ZNF407: variants seen among roughly 807,000 people sequenced by gnomAD.
ZNF407 encodes the protein zinc finger protein 407.
A neutral mutation model predicts 131.2 loss-of-function variants in ZNF407; 17 were observed. That is an observed-to-expected ratio of 0.13 (90% CI 0.09 to 0.19). The LOEUF (loss-of-function observed/expected upper bound fraction) is 0.19. Among genes scored for constraint, ZNF407 ranks in the 10% least tolerant of loss-of-function variants. The probability of loss-of-function intolerance (pLI) is 1.00; values close to 1 mark genes in which losing one functional copy is unlikely to be tolerated. For missense variants in ZNF407, 2,681 were observed against 2,830.6 expected (o/e 0.95, Z 1.20); for synonymous variants, 1,156 against 1,062.0 (o/e 1.09, Z -1.72).
intron 4 of ZNF407, chr18:74,804,258 A>G (rs1970073861): frequency 8.2e-7 from 1 of 1,222,656 alleles, no homozygotes; most frequent in Non-Finnish European, 1.0e-6. Flanking sequence ...TGTTATTTTA[A>G]AAATTGAGTA....
intron 4 of ZNF407, among the ~76,000 whole-genome samples, chr18:74,822,814 G>T (rs368448013): frequency 2.5e-4 from 38 of 152,138 alleles, no homozygotes; most frequent in African/African-American, 8.7e-4. Flanking sequence ...AAACTCAATG[G>T]TTGCTTTATG....
At chr18:74,683,690 T>A (rs1417865030) in intron 3 of ZNF407, among the ~76,000 whole-genome samples, 2 of 152,222 alleles carry the variant, frequency 1.3e-5, no homozygotes, top group East Asian at 3.9e-4. Flanking sequence ...ATGGCCAACA[T>A]GTAGCCCTGA....
At chr18:74,888,072 A>G (rs907312875) in intron 6 of ZNF407, among the ~76,000 whole-genome samples, 2 of 152,170 alleles carry the variant, frequency 1.3e-5, no homozygotes, top group Non-Finnish European at 2.9e-5. Flanking sequence ...TTAAAGTAAG[A>G]TATTTTACTC....
At chr18:74,962,350 A>C (rs967735509) in intron 8 of ZNF407, among the ~76,000 whole-genome samples, 1 of 152,254 alleles carries the variant, frequency 6.6e-6, no homozygotes, top group African/African-American at 2.4e-5. Context: ...ATTCAGCATG[A>C]TATAATGTCA....
In ZNF407 at chr18:75,063,422, C is replaced by T. The variant is rs769492762; in HGVS notation, c.5701C>T (p.Arg1901Trp). Reference protein sequence around the residue: ...QTLAMAGQVARVVHITEDGQV... With the variant: ...QTLAMAGQVAWVVHITEDGQV... ...GCTGGCCATGGCCGGCCAGGTGGCCCGGGTGGTGCATATCACGGAGGATGG... is the reference window on the plus strand; with the variant it reads ...GCTGGCCATGGCCGGCCAGGTGGCCTGGGTGGTGCATATCACGGAGGATGG... The change falls in exon 9 of 9, where the codon CGG becomes TGG. Residue 1901 changes from arginine to tryptophan, a missense_variant. Arg to Trp is a moderately radical substitution (Grantham distance 101, BLOSUM62 -3). Transcript: ENST00000299687. The surrounding 1 kb of genome is among the most constrained non-coding windows in gnomAD (Gnocchi z 6.6). 38 of 1,609,748 alleles carry T rather than the reference C, an allele frequency of 2.4e-5. No homozygotes were observed. The highest frequency in any genetic ancestry group is 3.4e-5 in the Admixed American group (2 of 59,534).
chr18:74,731,021 A>G (rs112962712), intron 3 of ZNF407, among the ~76,000 whole-genome samples: 141 of 152,344 alleles, frequency 9.3e-4, no homozygotes, highest in Non-Finnish European at 1.6e-3. Context: ...TCAGACTTAC[A>G]CTTAAATCTT....
chr18:74,674,918 C>G (rs1240264030), intron 3 of ZNF407, among the ~76,000 whole-genome samples: 1 of 152,174 alleles, frequency 6.6e-6, no homozygotes, highest in Non-Finnish European at 1.5e-5. Context: ...TGACTAATCA[C>G]CAAATGTATA....
chr18:75,023,335 G>C (rs1973133914), intron 8 of ZNF407, among the ~76,000 whole-genome samples: 1 of 151,976 alleles, frequency 6.6e-6, no homozygotes, highest in Admixed American at 6.6e-5. Context: ...TTAATAAAAA[G>C]CCTTGAATTA....
intron 4 of ZNF407, among the ~76,000 whole-genome samples, chr18:74,853,278 T>G (rs1442655054): frequency 6.6e-6 from 1 of 152,232 alleles, no homozygotes; most frequent in East Asian, 1.9e-4. Context: ...TCATGTTTTA[T>G]AGAGTAAATC....
chr18:74,863,095 A>AT (rs1378444172), intron 4 of ZNF407, among the ~76,000 whole-genome samples: 3 of 151,390 alleles, frequency 2.0e-5, no homozygotes, highest in African/African-American at 7.3e-5. Context: ...TATTTTTTAT[A>AT]TTTTTAGTAG....
At chr18:74,799,184 C>T (rs1969975228) in intron 4 of ZNF407, among the ~76,000 whole-genome samples, 1 of 152,050 alleles carries the variant, frequency 6.6e-6, no homozygotes, top group Non-Finnish European at 1.5e-5. Flanking sequence ...AGCAATTAAA[C>T]CTTCAGCAAA....
intron 7 of ZNF407, among the ~76,000 whole-genome samples, chr18:74,919,739 G>A (rs745450659): frequency 2.0e-5 from 3 of 152,186 alleles, no homozygotes; most frequent in Admixed American, 6.5e-5. Flanking sequence ...CTTGCAGTCT[G>A]TGTTGCAAAG....
intron 4 of ZNF407, among the ~76,000 whole-genome samples, chr18:74,831,745 A>G (rs1970486689): frequency 6.6e-6 from 1 of 151,434 alleles, no homozygotes; most frequent in African/African-American, 2.4e-5. Context: ...TGTCCCCCTC[A>G]CCCCTGCCCT....
chr18:74,860,524 A>G (rs1294057511), intron 4 of ZNF407, among the ~76,000 whole-genome samples: 1 of 141,034 alleles, frequency 7.1e-6, no homozygotes, highest in Non-Finnish European at 1.6e-5. Context: ...TGTCTTAGAC[A>G]AGCAAAAAAT....
chr18:74,877,491 T>C, intron 5 of ZNF407, 128 bp downstream of exon 5: 1 of 913,918 alleles, frequency 1.1e-6, no homozygotes, highest in Non-Finnish European at 1.7e-6. Context: ...TTTAAGATTG[T>C]GGTAATTATG....
At chr18:74,848,203 A>G (rs1190003086) in intron 4 of ZNF407, among the ~76,000 whole-genome samples, 1 of 152,200 alleles carries the variant, frequency 6.6e-6, no homozygotes, top group Non-Finnish European at 1.5e-5. Flanking sequence ...CTTAATAATG[A>G]TATGAATTGA....
In ZNF407 at chr18:74,622,844, CTGAA is replaced by C. The variant is rs201694927; in HGVS notation, c.-53-8119_-53-8116del. ...AATGTGAGTACGTGTGAGTGTGTATCTGAATGAGTGTGTGGGTGTGCAAATGCAT... is the reference window on the plus strand; with the variant it reads ...AATGTGAGTACGTGTGAGTGTGTATCTGAGTGTGTGGGTGTGCAAATGCAT... On this transcript the variant is annotated intron_variant, in intron 1 of 8. Coordinates refer to ENST00000299687, the MANE Select transcript of ZNF407 (RefSeq NM_017757.3). Among the ~76,000 whole-genome samples the C allele has an allele frequency of 6.5e-3, 984 of 151,292 alleles. 12 individuals are homozygous for C. Among genetic ancestry groups the C allele is most frequent in the African/African-American group, 0.022 (917 of 41,132 alleles).
At position 74,629,895 on chromosome 18, in the gene ZNF407, A is replaced by G. The variant is rs375954496; in HGVS notation, c.-53-1072A>G. On this transcript the variant is annotated intron_variant, in intron 1 of 8. Transcript: ENST00000299687. ...TATTGATTTCAAGGCATTTTATTCA[A>G]TAAAATTCTTTTTTTTCTCAAAATT... Among the ~76,000 whole-genome samples the G allele has an allele frequency of 1.6e-4, 24 of 152,314 alleles. 1 individual carries two copies. The East Asian group carries it at 1.9e-3, about 12-fold the overall frequency.
At chr18:74,884,493 C>T (rs961921313) in intron 6 of ZNF407, among the ~76,000 whole-genome samples, 6 of 152,118 alleles carry the variant, frequency 3.9e-5, no homozygotes, top group Admixed American at 1.3e-4. Flanking sequence ...ATGTCTGAGC[C>T]TTGCTTAGCA....
Sources: gnomAD v4.1 joint callset for allele counts (sites outside exome capture counted in the v4.1 genomes callset) on GRCh38, gnomAD v4.1.1 for gene constraint, Gnocchi (gnomAD v3.1) non-coding constraint, MANE v1.5 for transcripts, NCBI Gene and HGNC (gene_info 2026-07-23, HGNC 2026-07-21) for gene names.